MTR: variants seen among roughly 807,000 people sequenced by gnomAD.
The protein encoded by MTR is methionine synthase.
MTR carries 84 observed loss-of-function variants against 154.8 expected under a neutral mutation model. That is an observed-to-expected ratio of 0.54 (90% CI 0.45 to 0.65). The LOEUF is 0.65. Among genes scored for constraint, MTR ranks in the 30% least tolerant of loss-of-function variants. The pLI is 0.00. For synonymous variants in MTR, 554 were observed against 553.9 expected (o/e 1.00, Z 0.00); for missense variants, 1,275 against 1,570.2 (o/e 0.81, Z 3.18).
Position 236,808,691 on chromosome 1 carries a change from G to A in MTR, c.340-13G>A. The A allele has an allele frequency of 6.2e-7, 1 of 1,613,654 alleles. No homozygotes were observed. Among genetic ancestry groups the A allele is most frequent in the Non-Finnish European group, 8.5e-7 (1 of 1,179,576 alleles). On this transcript the variant is annotated splice_polypyrimidine_tract_variant and intron_variant, in intron 3 of 32. Transcript: ENST00000366577. ...AAAGAAGGACAAGCTAACGTTTGTG[G>A]TTGATACGTTAGGCCTACCGGATGA...
chr1:236,846,330 TTGTA>T (rs1333111703), intron 15 of MTR, among the ~76,000 whole-genome samples: 2 of 152,362 alleles, frequency 1.3e-5, no homozygotes, highest in East Asian at 1.9e-4. Flanking sequence ...AAAAATGACT[TTGTA>T]TGACAATTTT....
Position 236,889,331 on chromosome 1 carries a change from C to G in MTR, c.3002C>G (p.Thr1001Arg), listed in dbSNP as rs1666192654. The change falls in exon 28 of 33, where the codon ACA (threonine) becomes AGA (arginine). Residue 1001 changes from threonine to arginine, a missense_variant. Thr to Arg is a moderately conservative substitution (Grantham distance 71, BLOSUM62 -1). Transcript: ENST00000366577. The stretch of plus-strand genomic sequence containing the variant: ...TTTCCCAAGATATTTAACGACAAAA[C>G]AGTAGGTTAGTGCAGTAAGTCCTTC... ...RGFPKIFNDK[T>R]VGGEARKVYD... 2 of 1,614,094 alleles carry G rather than the reference C, an allele frequency of 1.2e-6. No individual in the cohort carries two copies. The highest frequency in any genetic ancestry group is 2.7e-5 in the African/African-American group (2 of 74,940).
chr1:236,821,026 A>G (rs747028659), intron 8 of MTR, among the ~76,000 whole-genome samples: 6 of 152,202 alleles, frequency 3.9e-5, no homozygotes, highest in Non-Finnish European at 7.3e-5. Flanking sequence ...TTCTTTGTAT[A>G]TTTTGGATGC....
At chr1:236,886,247 GA>G in intron 26 of MTR, 44 bp from the exon 27 acceptor site, 1 of 1,526,248 alleles carries the variant, frequency 6.6e-7, no homozygotes, top group Non-Finnish European at 9.1e-7. Context: ...AGTAGTTGTA[GA>G]AAAGCTAAGA....
chr1:236,820,155 G>A, intron 8 of MTR: 3 of 764,562 alleles, frequency 3.9e-6, no homozygotes, highest in Admixed American at 1.7e-5. Flanking sequence ...TGGGTTTGAT[G>A]TGGTGGATGC....
chr1:236,890,025 T>C (rs1304301356), intron 28 of MTR, among the ~76,000 whole-genome samples: 1 of 151,998 alleles, frequency 6.6e-6, no homozygotes, highest in Non-Finnish European at 1.5e-5. Flanking sequence ...GGAATCCAAA[T>C]GCAAAGCCAT....
chr1:236,895,893 T>C (rs955675158), intron 31 of MTR, among the ~76,000 whole-genome samples: 1 of 152,232 alleles, frequency 6.6e-6, no homozygotes, highest in African/African-American at 2.4e-5. Context: ...GACCGACCTT[T>C]GTCCCTCAGT....
chr1:236,811,944 T>C (rs1003455976), intron 5 of MTR, among the ~76,000 whole-genome samples: 1 of 152,188 alleles, frequency 6.6e-6, no homozygotes, highest in African/African-American at 2.4e-5. Context: ...ATCTGAGCAT[T>C]ATCTTGGCTT....
At chr1:236,889,680 A>G (rs1017687381) in intron 28 of MTR, among the ~76,000 whole-genome samples, 8 of 152,222 alleles carry the variant, frequency 5.3e-5, no homozygotes, top group African/African-American at 1.9e-4. Context: ...TCCTGTGGAC[A>G]TAAGAGGAGA....
At chr1:236,873,054 A>G (rs936483139) in intron 22 of MTR, among the ~76,000 whole-genome samples, 1 of 152,226 alleles carries the variant, frequency 6.6e-6, no homozygotes, top group South Asian at 2.1e-4. Context: ...ATGAATGGAT[A>G]AGCAAAACAT....
intron 22 of MTR, among the ~76,000 whole-genome samples, chr1:236,872,754 G>GCTCAAGCCTA (rs1665211595): frequency 6.6e-6 from 1 of 152,016 alleles, no homozygotes; most frequent in African/African-American, 2.4e-5. Context: ...GCTCAAGCCT[G>GCTCAAGCCTA]TAATCCCAAA....
chr1:236,804,111 G>C (rs1382883495), intron 2 of MTR, among the ~76,000 whole-genome samples: 1 of 152,212 alleles, frequency 6.6e-6, no homozygotes, highest in Non-Finnish European at 1.5e-5. Context: ...TGTGTCTGGT[G>C]AGGGCCCTCT....
chr1:236,901,245 G>A lies in MTR; in HGVS notation c.*3601G>A, dbSNP rs59514993. The A allele has an allele frequency of 0.053, 8,161 of 152,696 alleles. 386 individuals carry two copies. The highest frequency in any genetic ancestry group is 0.13 in the African/African-American group (5,243 of 41,492). The allele number at this position is 152,696 out of a possible 1,614,324, so 9.5% of individuals were successfully genotyped here. A position where few individuals can be genotyped will look rare whatever the true frequency, so the allele number is the denominator to read the frequency against. On this transcript the variant is annotated 3_prime_UTR_variant, in exon 33 of 33. Transcript: ENST00000366577. Reference sequence around the variant, plus strand: ...TCACAGTGAGCCCCTCAAGAGCAGCGTCAGGGGATTGTGGGGACTGTTGGC... The same window carrying A: ...TCACAGTGAGCCCCTCAAGAGCAGCATCAGGGGATTGTGGGGACTGTTGGC...
At chr1:236,853,332 A>G (rs183539598) in intron 18 of MTR, among the ~76,000 whole-genome samples, 1 of 152,338 alleles carries the variant, frequency 6.6e-6, no homozygotes, top group East Asian at 1.9e-4. Flanking sequence ...TGTAAAATGT[A>G]AAATTAATTT....
chr1:236,891,424 C>A, intron 29 of MTR, 95 bp downstream of exon 29: 1 of 1,258,874 alleles, frequency 7.9e-7, no homozygotes, highest in East Asian at 2.4e-5. Flanking sequence ...TCTGCTTCAC[C>A]TCCTCCCAAA....
rs572773711 is a variant in MTR, at chr1:236,863,341, T to A, written c.2305-113T>A. 13 of 832,668 alleles carry A rather than the reference T, an allele frequency of 1.6e-5. No homozygotes were observed. In the South Asian group the frequency reaches 1.7e-4, roughly 11 times the overall value. 51.6% of individuals were successfully genotyped at this position (832,668 alleles called of 1,614,324 possible). ...TCGGTTTCCAGGTCTGTCTTTGAGG[T>A]GCTCTTGGTTGTATTGAATTGCTTT... On this transcript the variant is annotated intron_variant, in intron 21 of 32. Transcript: ENST00000366577.
chr1:236,821,654 A>G (rs1661958074), intron 8 of MTR, among the ~76,000 whole-genome samples: 1 of 152,130 alleles, frequency 6.6e-6, no homozygotes, highest in African/African-American at 2.4e-5. Context: ...ACGATCATCT[A>G]AATTTTTTCT....
Position 236,853,078 on chromosome 1 carries a change from G to A in MTR, c.1943G>A (p.Arg648His), listed in dbSNP as rs751565093. 5.6e-5 allele frequency: 90 copies of A among 1,613,838 alleles called. No individual in the cohort carries two copies. The highest frequency in any genetic ancestry group is 1.3e-4 in the Admixed American group (8 of 59,986). ...KDPEATEKLL[R>H]YAQTQGTGGK... ...CCTGAGGCCACTGAGAAGCTCTTAC[G>A]TTATGCCCAGGTAGAGAGACAAGTG... Residue 648 changes from arginine to histidine, a missense_variant, in exon 18 of 33, where the codon CGT becomes CAT. By Grantham distance (29) the Arg-to-His change is conservative. Coordinates refer to ENST00000366577, the MANE Select transcript of MTR (RefSeq NM_000254.3).
chr1:236,864,056 A>G (rs967244887), intron 22 of MTR, among the ~76,000 whole-genome samples: 1 of 152,204 alleles, frequency 6.6e-6, no homozygotes, highest in African/African-American at 2.4e-5. Flanking sequence ...AGATTTTGGA[A>G]TGTTGTATAC....
Sources: gnomAD v4.1 joint callset for allele counts (sites outside exome capture counted in the v4.1 genomes callset) on GRCh38, gnomAD v4.1.1 for gene constraint, MANE v1.5 for transcripts, NCBI Gene and HGNC (gene_info 2026-07-23, HGNC 2026-07-21) for gene names.